The following LYPD6 variants were observed in gnomAD, a reference collection of about 807,000 sequenced individuals.
LYPD6 encodes LY6/PLAUR domain containing 6.
LYPD6 carries 15 observed loss-of-function variants against 22.7 expected under a neutral mutation model. The ratio of observed to expected loss-of-function variants is 0.66; its 90% CI spans 0.44 to 1.02. The LOEUF is 1.02. Among genes scored for constraint, LYPD6 ranks in the 50% least tolerant of loss-of-function variants. The probability of loss-of-function intolerance (pLI) is 0.00; values close to 1 mark genes in which losing one functional copy is unlikely to be tolerated. For missense variants in LYPD6, 189 were observed against 208.4 expected (o/e 0.91, Z 0.57); for synonymous variants, 72 against 77.5 (o/e 0.93, Z 0.37).
chr2:149,447,423 T>A lies in LYPD6; in HGVS notation c.119-1626T>A, dbSNP rs375198608. 2.6e-5 allele frequency among the ~76,000 whole-genome samples: 4 copies of A among 152,208 alleles called. No homozygotes were observed. The East Asian group carries it at 7.7e-4, about 29-fold the overall frequency. On this transcript the variant is annotated intron_variant, in intron 2 of 4. Transcript: ENST00000334166. ...AAGAGATAAGTGGGGCTTCCTGGAA[T>A]GGCCTAGTCCTCAGGCTAGAACTGG...
intron 3 of LYPD6, among the ~76,000 whole-genome samples, chr2:149,460,988 C>T (rs192208994): frequency 1.8e-4 from 28 of 151,524 alleles, no homozygotes; most frequent in Admixed American, 2.6e-4. Flanking sequence ...ATGCTGAGGC[C>T]GAAATTTATA....
chr2:149,424,109 G>T (rs1683140948), intron 1 of LYPD6, among the ~76,000 whole-genome samples: 1 of 136,368 alleles, frequency 7.3e-6, no homozygotes, highest in Non-Finnish European at 1.5e-5. Context: ...AGTTCCTGTA[G>T]CATGCGTACA....
chr2:149,402,086 C>G lies in LYPD6; in HGVS notation c.-71-35552C>G, dbSNP rs141269740. Among the ~76,000 whole-genome samples the G allele has an allele frequency of 7.2e-5, 11 of 151,930 alleles. No homozygotes were observed. The East Asian group carries it at 2.1e-3, about 29-fold the overall frequency. On this transcript the variant is annotated intron_variant, in intron 1 of 4. Transcript: ENST00000334166. ...GCAAACCACCATGGCACATGTATAC[C>G]TATGTAACAAACCTGCACGTTCTGC...
intron 1 of LYPD6, among the ~76,000 whole-genome samples, chr2:149,384,121 C>T (rs1162343523): frequency 6.6e-6 from 1 of 152,120 alleles, no homozygotes; most frequent in Non-Finnish European, 1.5e-5. Flanking sequence ...TTTGTTGACT[C>T]ACTATTTGAA....
chr2:149,429,550 A>C (rs181173031), intron 1 of LYPD6, among the ~76,000 whole-genome samples: 116 of 152,324 alleles, frequency 7.6e-4, no homozygotes, highest in African/African-American at 2.7e-3. Context: ...CATGAGCTGA[A>C]CTGTAATTTC....
At chr2:149,397,009 A>G (rs1682441027) in intron 1 of LYPD6, among the ~76,000 whole-genome samples, 1 of 152,244 alleles carries the variant, frequency 6.6e-6, no homozygotes. Flanking sequence ...ATATTATAAT[A>G]CCTAATACAA....
intron 1 of LYPD6, among the ~76,000 whole-genome samples, chr2:149,389,337 T>C (rs187509092): frequency 6.6e-6 from 1 of 152,280 alleles, no homozygotes; most frequent in East Asian, 1.9e-4. Context: ...GTTGATTTGA[T>C]ACTGCTTCCT....
chr2:149,459,519 G>A (rs1681039862), intron 3 of LYPD6, among the ~76,000 whole-genome samples: 5 of 152,220 alleles, frequency 3.3e-5, no homozygotes, highest in Admixed American at 3.3e-4. Context: ...TTCTTCTCTT[G>A]AGTTTTCTGA....
intron 1 of LYPD6, among the ~76,000 whole-genome samples, chr2:149,349,885 A>G (rs1353304568): frequency 2.0e-5 from 3 of 152,214 alleles, no homozygotes; most frequent in Non-Finnish European, 2.9e-5. Flanking sequence ...GAAATTTAAA[A>G]TTTATTAGCA....
Position 149,366,874 on chromosome 2 carries a change from TC to T in LYPD6, c.-72+36159del, listed in dbSNP as rs756742188. 2.0e-5 allele frequency among the ~76,000 whole-genome samples: 3 copies of T among 152,092 alleles called. No individual in the cohort carries two copies. In the South Asian group the frequency reaches 6.2e-4, roughly 32 times the overall value. ...TTACAAGTTTTAACTTTGTTTCCATTCCCCCCCACTTCATTTTACACACTGT... is the reference window on the plus strand; with the variant it reads ...TTACAAGTTTTAACTTTGTTTCCATTCCCCCCACTTCATTTTACACACTGT... On this transcript the variant is annotated intron_variant, in intron 1 of 4. Coordinates refer to ENST00000334166, the MANE Select transcript of LYPD6 (RefSeq NM_194317.5).
At chr2:149,375,256 G>T (rs1174637864) in intron 1 of LYPD6, among the ~76,000 whole-genome samples, 1 of 152,136 alleles carries the variant, frequency 6.6e-6, no homozygotes, top group Non-Finnish European at 1.5e-5. Context: ...AGTGCCCGTG[G>T]GTGGCACTGT....
At chr2:149,358,731 A>T (rs1042922538) in intron 1 of LYPD6, among the ~76,000 whole-genome samples, 2 of 152,100 alleles carry the variant, frequency 1.3e-5, no homozygotes, top group African/African-American at 4.8e-5. Flanking sequence ...TAGTTTTCCA[A>T]CGTTTTTGGT....
chr2:149,363,908 T>C (rs1223789416), intron 1 of LYPD6, among the ~76,000 whole-genome samples: 1 of 152,184 alleles, frequency 6.6e-6, no homozygotes, highest in African/African-American at 2.4e-5. Context: ...GCCCTCCTAG[T>C]TCTCATTCTT....
chr2:149,372,485 A>G (rs1395790140), intron 1 of LYPD6, among the ~76,000 whole-genome samples: 1 of 152,186 alleles, frequency 6.6e-6, no homozygotes, highest in African/African-American at 2.4e-5. Flanking sequence ...GACAATTCAC[A>G]AGGACACCTT....
intron 1 of LYPD6, among the ~76,000 whole-genome samples, chr2:149,362,647 G>A (rs961196083): frequency 6.6e-6 from 1 of 152,008 alleles, no homozygotes; most frequent in Admixed American, 6.6e-5. Context: ...ATCTGCTGGG[G>A]GCCTTTTTGC....
At chr2:149,344,594 G>T (rs187515171) in intron 1 of LYPD6, among the ~76,000 whole-genome samples, 1 of 152,064 alleles carries the variant, frequency 6.6e-6, no homozygotes, top group Non-Finnish European at 1.5e-5. Context: ...GAAAATGTGC[G>T]CTATTCTTCC....
chr2:149,393,989 A>G (rs1682371947), intron 1 of LYPD6, among the ~76,000 whole-genome samples: 1 of 152,180 alleles, frequency 6.6e-6, no homozygotes, highest in South Asian at 2.1e-4. Flanking sequence ...AGAGGTAGGG[A>G]GATATTACAC....
intron 1 of LYPD6, among the ~76,000 whole-genome samples, chr2:149,426,453 C>T (rs772204192): frequency 5.3e-5 from 8 of 152,168 alleles, no homozygotes; most frequent in East Asian, 1.9e-4. Context: ...ATATTCTTCA[C>T]GTTCTCTAAC....
At chr2:149,368,840 C>G (rs1196712) in intron 1 of LYPD6, among the ~76,000 whole-genome samples, 150,931 of 152,290 alleles carry the variant, frequency 0.99, 74,813 homozygotes, top group Middle Eastern at 1. Flanking sequence ...GGTTGTGGAG[C>G]GGGAAACAGA....
Sources: gnomAD v4.1 joint callset for allele counts (sites outside exome capture counted in the v4.1 genomes callset) on GRCh38, gnomAD v4.1.1 for gene constraint, MANE v1.5 for transcripts, NCBI Gene and HGNC (gene_info 2026-07-23, HGNC 2026-07-21) for gene names.